The following MBNL1 variants were observed in gnomAD, a reference collection of about 807,000 sequenced individuals.
MBNL1 encodes the protein muscleblind-like protein 1.
Under a neutral mutation model 42.2 loss-of-function variants are expected in MBNL1, and 8 were observed. The ratio of observed to expected loss-of-function variants is 0.19; its 90% CI spans 0.11 to 0.34. The LOEUF is 0.34. Ranked by LOEUF, MBNL1 falls within the 10% of genes least tolerant of loss-of-function variation. The probability of loss-of-function intolerance (pLI) is 1.00; values close to 1 mark genes in which losing one functional copy is unlikely to be tolerated. For missense variants in MBNL1, 309 were observed against 495.3 expected, an observed-to-expected ratio of 0.62 and a Z score of 3.57; for synonymous variants, 169 against 173.9, an observed-to-expected ratio of 0.97 and a Z score of 0.22.
At chr3:152,403,133 T>C (rs2098298242) in intron 2 of MBNL1, among the ~76,000 whole-genome samples, 1 of 151,464 alleles carries the variant, frequency 6.6e-6, no homozygotes, top group African/African-American at 2.4e-5. Context: ...GTTGGTGTGA[T>C]AGCAAGAAAA....
At chr3:152,445,961 C>T (rs2099218284) in intron 5 of MBNL1, among the ~76,000 whole-genome samples, 1 of 152,166 alleles carries the variant, frequency 6.6e-6, no homozygotes, top group Non-Finnish European at 1.5e-5. Flanking sequence ...ATAACATGAT[C>T]TGGAACTATT....
chr3:152,269,414 G>T (rs1341939732), intron 1 of MBNL1: 1 of 408,276 alleles, frequency 2.4e-6, no homozygotes, highest in African/African-American at 2.1e-5. Flanking sequence ...ACAGGTGCGT[G>T]CAAGTGTACT....
At chr3:152,360,540 A>G (rs1210604634) in intron 2 of MBNL1, among the ~76,000 whole-genome samples, 1 of 151,918 alleles carries the variant, frequency 6.6e-6, no homozygotes, top group Non-Finnish European at 1.5e-5. Context: ...CATCCTTTCT[A>G]TGATGCCTTC....
intron 3 of MBNL1, among the ~76,000 whole-genome samples, chr3:152,418,954 G>A (rs1174544341): frequency 6.6e-6 from 1 of 151,970 alleles, no homozygotes; most frequent in Non-Finnish European, 1.5e-5. Flanking sequence ...CTGACCTTGT[G>A]ATCCGCCTGC....
chr3:152,320,996 A>G (rs375786993), intron 2 of MBNL1, among the ~76,000 whole-genome samples: 1 of 152,202 alleles, frequency 6.6e-6, no homozygotes, highest in Non-Finnish European at 1.5e-5. Flanking sequence ...AGAGAATCCA[A>G]GCTTCCAAGA....
intron 1 of MBNL1, among the ~76,000 whole-genome samples, chr3:152,275,875 T>C (rs1229047426): frequency 3.3e-5 from 5 of 151,984 alleles, no homozygotes; most frequent in African/African-American, 1.2e-4. Flanking sequence ...TATTTTGAAG[T>C]AACTAAGTTT....
intron 2 of MBNL1, among the ~76,000 whole-genome samples, chr3:152,391,179 T>C (rs945909629): frequency 3.9e-5 from 6 of 152,350 alleles, no homozygotes; most frequent in Admixed American, 2.6e-4. Context: ...GATTTGAACC[T>C]GAATACATCT....
At chr3:152,425,514 A>G (rs1350053799) in intron 3 of MBNL1, among the ~76,000 whole-genome samples, 1 of 152,118 alleles carries the variant, frequency 6.6e-6, no homozygotes, top group Non-Finnish European at 1.5e-5. Flanking sequence ...AGGCTGAGGC[A>G]AGAGAATCGC....
chr3:152,255,158 C>T (rs1437454871), intron 2 of MBNL1, among the ~76,000 whole-genome samples: 3 of 152,058 alleles, frequency 2.0e-5, no homozygotes, highest in Non-Finnish European at 4.4e-5. Flanking sequence ...GAAGGTGCCA[C>T]ATGAAAGATC....
rs772442696 is a variant in MBNL1, at chr3:152,269,070, C to T, written c.-812C>T. The T allele has an allele frequency of 5.6e-5, 25 of 450,270 alleles. 1 individual carries two copies. The highest frequency in any genetic ancestry group is 3.8e-4 in the South Asian group (24 of 63,786). 27.9% of individuals were successfully genotyped at this position (450,270 alleles called of 1,614,324 possible). ...GGGCACTTGGTCGACAGTGGGGCCG[C>T]CTCTGAAAAAAAAATGTGAGAGGTA... On this transcript the variant is annotated 5_prime_UTR_variant, in exon 1 of 10. Coordinates refer to ENST00000324210, the MANE Select transcript of MBNL1 (RefSeq NM_021038.5).
chr3:152,456,242 G>C, intron 7 of MBNL1, 25 bp from the exon 8 acceptor site: 1 of 1,526,688 alleles, frequency 6.6e-7, no homozygotes, highest in South Asian at 1.1e-5. Flanking sequence ...CTGTATGTTC[G>C]CTTATATGAT....
intron 2 of MBNL1, among the ~76,000 whole-genome samples, chr3:152,306,609 GTTTGT>G (rs1296929219): frequency 1.3e-5 from 2 of 152,000 alleles, no homozygotes; most frequent in Admixed American, 1.3e-4. Context: ...TTGTATGTTT[GTTTGT>G]TTTGTTTTGT....
At chr3:152,398,236 A>G (rs2098068542) in intron 2 of MBNL1, among the ~76,000 whole-genome samples, 1 of 152,128 alleles carries the variant, frequency 6.6e-6, no homozygotes, top group Non-Finnish European at 1.5e-5. Flanking sequence ...TAGTCACTCA[A>G]TTATGATTTT....
intron 1 of MBNL1, among the ~76,000 whole-genome samples, chr3:152,279,747 T>A (rs1386883528): frequency 6.6e-6 from 1 of 152,186 alleles, no homozygotes; most frequent in Non-Finnish European, 1.5e-5. Context: ...ATGTACTTTC[T>A]CACCAATAGT....
chr3:152,422,733 A>C (rs941042372), intron 3 of MBNL1, among the ~76,000 whole-genome samples: 5 of 152,148 alleles, frequency 3.3e-5, no homozygotes, highest in Non-Finnish European at 5.9e-5. Flanking sequence ...AAAAGAACAG[A>C]TATCATAAAC....
Position 152,301,452 on chromosome 3 carries a change from A to G in MBNL1, c.174+1085A>G, listed in dbSNP as rs374507311. 6.1e-4 allele frequency among the ~76,000 whole-genome samples: 93 copies of G among 152,318 alleles called. No individual in the cohort carries two copies. The South Asian group carries it at 0.019, about 31-fold the overall frequency. Reference sequence around the variant, plus strand: ...CTTGTCTTTAAAAATATATGGTGCTATAATAATCTTTTCTTTAATAACATC... The same window carrying G: ...CTTGTCTTTAAAAATATATGGTGCTGTAATAATCTTTTCTTTAATAACATC... On this transcript the variant is annotated intron_variant, in intron 2 of 9. Coordinates refer to ENST00000324210, the MANE Select transcript of MBNL1 (RefSeq NM_021038.5).
At chr3:152,251,179 CAAAT>C (rs1217442627) in intron 2 of MBNL1, among the ~76,000 whole-genome samples, 1 of 152,086 alleles carries the variant, frequency 6.6e-6, no homozygotes, top group Admixed American at 6.6e-5. Flanking sequence ...TGCTGTTTAT[CAAAT>C]AATGTCTTTT....
chr3:152,418,120 A>G (rs2098733929), intron 3 of MBNL1, among the ~76,000 whole-genome samples: 1 of 152,214 alleles, frequency 6.6e-6, no homozygotes. Flanking sequence ...AATACAATAC[A>G]TTAGGGGCAT....
intron 8 of MBNL1, chr3:152,458,956 CGT>C (rs748781429): frequency 0.023 from 4,434 of 189,792 alleles, no homozygotes; most frequent in Middle Eastern, 0.041. Flanking sequence ...CACGGGGGTG[CGT>C]GTGTGTGTGT....
Sources: gnomAD v4.1 joint callset for allele counts (sites outside exome capture counted in the v4.1 genomes callset) on GRCh38, gnomAD v4.1.1 for gene constraint, MANE v1.5 for transcripts, NCBI Gene and HGNC (gene_info 2026-07-23, HGNC 2026-07-21) for gene names.